GRM7: variants seen among roughly 807,000 people sequenced by gnomAD.
The protein encoded by GRM7 is glutamate metabotropic receptor 7, also known as metabotropic glutamate receptor 7.
In GRM7, 35 loss-of-function variants were observed where a neutral mutation model predicts 84.5. The ratio of observed to expected loss-of-function variants is 0.41; its 90% CI spans 0.32 to 0.55. The LOEUF (loss-of-function observed/expected upper bound fraction) is 0.55. Ranked by LOEUF, GRM7 falls within the 20% of genes least tolerant of loss-of-function variation. The pLI is 0.19. For missense variants in GRM7, 1,003 were observed against 1,194.6 expected (o/e 0.84, Z 2.36); for synonymous variants, 487 against 455.1 (o/e 1.07, Z -0.89).
At chr3:7,248,141 G>C (rs537048170) in intron 2 of GRM7, among the ~76,000 whole-genome samples, 1 of 152,126 alleles carries the variant, frequency 6.6e-6, no homozygotes, top group Non-Finnish European at 1.5e-5. Flanking sequence ...AATAATGAAA[G>C]CATGTCCACT....
chr3:7,104,397 C>A (rs1699229742), intron 1 of GRM7, among the ~76,000 whole-genome samples: 1 of 151,696 alleles, frequency 6.6e-6, no homozygotes, highest in Non-Finnish European at 1.5e-5. Flanking sequence ...TTTAAGCCAC[C>A]AATTTTAAGG....
chr3:7,225,867 T>A (rs1036996652), intron 2 of GRM7, among the ~76,000 whole-genome samples: 7 of 152,122 alleles, frequency 4.6e-5, no homozygotes, highest in African/African-American at 1.7e-4. Flanking sequence ...CCTCATTTAA[T>A]AATCCACTTA....
Position 6,891,249 on chromosome 3 carries a change from T to A in GRM7, c.519+29342T>A, listed in dbSNP as rs1034532225. 8.2e-4 allele frequency among the ~76,000 whole-genome samples: 125 copies of A among 152,300 alleles called. 1 individual carries two copies. The highest frequency in any genetic ancestry group is 2.8e-3 in the African/African-American group (115 of 41,572). Reference sequence around the variant, plus strand: ...CCATTTACATTTAAAGTTAATATTGTTATGTGTGAATTTGATCCTGTCATT... The same window carrying A: ...CCATTTACATTTAAAGTTAATATTGATATGTGTGAATTTGATCCTGTCATT... On this transcript the variant is annotated intron_variant, in intron 1 of 9. Coordinates refer to ENST00000357716, the MANE Select transcript of GRM7 (RefSeq NM_000844.4).
intron 8 of GRM7, among the ~76,000 whole-genome samples, chr3:7,658,990 T>C (rs1352998382): frequency 6.6e-6 from 1 of 152,198 alleles, no homozygotes; most frequent in Non-Finnish European, 1.5e-5. Flanking sequence ...TTCACAAAGA[T>C]TTTAAGATTT....
At chr3:7,031,500 T>G (rs1006801271) in intron 1 of GRM7, among the ~76,000 whole-genome samples, 1 of 151,996 alleles carries the variant, frequency 6.6e-6, no homozygotes, top group Non-Finnish European at 1.5e-5. Flanking sequence ...CACTGCAAGC[T>G]CCGCCTCCCG....
chr3:6,922,463 C>T (rs1254162395), intron 1 of GRM7, among the ~76,000 whole-genome samples: 11 of 152,168 alleles, frequency 7.2e-5, no homozygotes. Context: ...TCCCTAAGTC[C>T]TATGCATGTT....
intron 8 of GRM7, among the ~76,000 whole-genome samples, chr3:7,593,427 A>T (rs1695886362): frequency 6.6e-6 from 1 of 152,218 alleles, no homozygotes; most frequent in African/African-American, 2.4e-5. Context: ...GCCCTCATGG[A>T]AATCACATTC....
At chr3:7,447,440 TACTG>T (rs1697564952) in intron 5 of GRM7, among the ~76,000 whole-genome samples, 2 of 152,134 alleles carry the variant, frequency 1.3e-5, no homozygotes, top group African/African-American at 4.8e-5. Context: ...ACCTGGAAAA[TACTG>T]ACGATCAAGC....
chr3:6,960,094 A>G (rs1324814260), intron 1 of GRM7, among the ~76,000 whole-genome samples: 1 of 152,186 alleles, frequency 6.6e-6, no homozygotes, highest in Non-Finnish European at 1.5e-5. Flanking sequence ...GACTAATTCT[A>G]GTGTTAAATC....
At chr3:7,239,018 G>T (rs576708105) in intron 2 of GRM7, among the ~76,000 whole-genome samples, 3 of 100,960 alleles carry the variant, frequency 3.0e-5, no homozygotes, top group Admixed American at 1.2e-4. Context: ...TTTTGACATG[G>T]TCTCATTCTG....
intron 1 of GRM7, among the ~76,000 whole-genome samples, chr3:7,017,420 A>C (rs958774624): frequency 6.6e-6 from 1 of 152,208 alleles, no homozygotes; most frequent in African/African-American, 2.4e-5. Flanking sequence ...AACCCAAAAA[A>C]TATCAACAGG....
intron 1 of GRM7, among the ~76,000 whole-genome samples, chr3:7,035,418 G>A (rs887264423): frequency 6.6e-6 from 1 of 151,992 alleles, no homozygotes; most frequent in Non-Finnish European, 1.5e-5. Context: ...ATAGAGAATA[G>A]AGAATGCTAT....
At chr3:7,485,366 C>G (rs1246265013) in intron 7 of GRM7, among the ~76,000 whole-genome samples, 1 of 152,126 alleles carries the variant, frequency 6.6e-6, no homozygotes, top group East Asian at 1.9e-4. Context: ...TTTCTCAACT[C>G]ACCTACTGAA....
intron 1 of GRM7, among the ~76,000 whole-genome samples, chr3:7,099,231 TA>T (rs1698966853): frequency 8.6e-6 from 1 of 115,684 alleles, no homozygotes; most frequent in Admixed American, 8.0e-5. Flanking sequence ...ATACATGTAT[TA>T]TACATGTATA....
At chr3:7,229,496 T>C (rs1697090618) in intron 2 of GRM7, among the ~76,000 whole-genome samples, 1 of 151,620 alleles carries the variant, frequency 6.6e-6, no homozygotes, top group South Asian at 2.1e-4. Context: ...AGTATTACGT[T>C]AAATTACCTC....
chr3:6,987,530 C>G (rs908997701), intron 1 of GRM7, among the ~76,000 whole-genome samples: 5 of 152,062 alleles, frequency 3.3e-5, no homozygotes, highest in Admixed American at 2.6e-4. Context: ...TTGCCTGGCA[C>G]AGGTAAGAGC....
chr3:7,354,930 T>G (rs1693325742), intron 4 of GRM7, among the ~76,000 whole-genome samples: 1 of 152,170 alleles, frequency 6.6e-6, no homozygotes, highest in Admixed American at 6.6e-5. Flanking sequence ...ACTCTTCAGC[T>G]CTCTGTCATA....
chr3:7,081,447 G>A (rs895854785), intron 1 of GRM7, among the ~76,000 whole-genome samples: 2 of 152,052 alleles, frequency 1.3e-5, no homozygotes, highest in Admixed American at 1.3e-4. Context: ...TCTTGTGTGT[G>A]TTCTGACTAT....
chr3:7,492,280 T>C (rs978188822), intron 7 of GRM7, among the ~76,000 whole-genome samples: 1 of 152,178 alleles, frequency 6.6e-6, no homozygotes, highest in African/African-American at 2.4e-5. Flanking sequence ...GCAAAATTGG[T>C]ATTAATTCTT....
Sources: gnomAD v4.1 joint callset for allele counts (sites outside exome capture counted in the v4.1 genomes callset) on GRCh38, gnomAD v4.1.1 for gene constraint, MANE v1.5 for transcripts, NCBI Gene and HGNC (gene_info 2026-07-23, HGNC 2026-07-21) for gene names.